The following CSMD1 variants were observed in gnomAD, a reference collection of about 807,000 sequenced individuals.
The protein encoded by CSMD1 is CUB and Sushi multiple domains 1.
Under a neutral mutation model 417.5 loss-of-function variants are expected in CSMD1, and 213 were observed. The ratio of observed to expected loss-of-function variants is 0.51; its 90% CI spans 0.46 to 0.57. The LOEUF is 0.57. Ranked by LOEUF, CSMD1 falls within the 20% of genes least tolerant of loss-of-function variation. CSMD1 has a pLI of 0.00. For missense variants in CSMD1, 6,923 were observed against 4,529.7 expected (o/e 1.53, Z -15.17); for synonymous variants, 2,862 against 1,736.8 (o/e 1.65, Z -16.11).
rs188312196 is a variant in CSMD1 at position 4,215,613 on chromosome 8, T to G, written c.416-183514A>C. Among the ~76,000 whole-genome samples the G allele has an allele frequency of 5.9e-5, 9 of 152,288 alleles. No individual in the cohort carries two copies. The East Asian group carries it at 1.7e-3, about 29-fold the overall frequency. ...ATACATGAAATATGCAAAAACATGT[T>G]TACTTTGAACATAAATTTGGATCAT... On this transcript the variant is annotated intron_variant, in intron 3 of 69. Transcript: ENST00000635120.
chr8:4,972,200 T>C (rs1308804657), intron 1 of CSMD1, among the ~76,000 whole-genome samples: 1 of 152,130 alleles, frequency 6.6e-6, no homozygotes, highest in African/African-American at 2.4e-5. Flanking sequence ...TCAGGCTTAG[T>C]ACACAAAGAT....
intron 3 of CSMD1, among the ~76,000 whole-genome samples, chr8:4,088,781 C>T (rs1800560829): frequency 6.6e-6 from 1 of 152,100 alleles, no homozygotes; most frequent in Admixed American, 6.5e-5. Context: ...CAGCTCCCAC[C>T]CTCCCAGACC....
Position 3,070,816 on chromosome 8 carries a change from G to T in CSMD1, c.7474+16281C>A, listed in dbSNP as rs150017061. Among the ~76,000 whole-genome samples, 1,036 of 152,248 alleles carry T rather than the reference G, an allele frequency of 6.8e-3. 11 individuals are homozygous for T. The highest frequency in any genetic ancestry group is 0.023 in the African/African-American group (969 of 41,538). The stretch of plus-strand genomic sequence containing the variant: ...TTCAACATTTCCAGGTATCTTTATA[G>T]CAATGTCCCACTCCTTGGTACCAAT... On this transcript the variant is annotated intron_variant, in intron 49 of 69. Transcript: ENST00000635120.
intron 5 of CSMD1, among the ~76,000 whole-genome samples, chr8:3,982,629 G>A (rs967860484): frequency 6.7e-6 from 1 of 149,326 alleles, no homozygotes; most frequent in African/African-American, 2.5e-5. Context: ...AAAAAAAAAA[G>A]CCATTAAATT....
chr8:4,337,700 A>G (rs1436230736), intron 3 of CSMD1, among the ~76,000 whole-genome samples: 1 of 152,138 alleles, frequency 6.6e-6, no homozygotes, highest in Admixed American at 6.6e-5. Flanking sequence ...GCCAACTTTT[A>G]AAAGAGTACA....
At chr8:4,577,439 C>A (rs867531457) in intron 2 of CSMD1, among the ~76,000 whole-genome samples, 4 of 152,300 alleles carry the variant, frequency 2.6e-5, no homozygotes, top group Non-Finnish European at 4.4e-5. Flanking sequence ...TCTCAGGAAC[C>A]CAACAGGCTC....
rs550772338 is a variant in CSMD1, at chr8:4,203,246, T to C, written c.416-171147A>G. On this transcript the variant is annotated intron_variant, in intron 3 of 69. Transcript: ENST00000635120. ...AAAGAAGGCCACAAGCTCAGGAATG[T>C]TGGCAGCCTGCAGAAGACTGCCCTG... Among the ~76,000 whole-genome samples, 11 of 152,246 alleles carry C rather than the reference T, an allele frequency of 7.2e-5. No homozygotes were observed. In the South Asian group the frequency reaches 1.9e-3, roughly 26 times the overall value.
chr8:4,032,169 A>ACCTTCTG, intron 3 of CSMD1, 70 bp from the exon 4 acceptor site: 1 of 1,084,648 alleles, frequency 9.2e-7, no homozygotes. Context: ...TATAAGATAA[A>ACCTTCTG]ACAGACACCA....
At chr8:3,281,779 G>T (rs1039263299) in intron 26 of CSMD1, among the ~76,000 whole-genome samples, 1 of 152,266 alleles carries the variant, frequency 6.6e-6, no homozygotes. Context: ...CATTGATATG[G>T]TTTGGATCTG....
At chr8:3,455,336 G>A (rs184684654) in intron 12 of CSMD1, among the ~76,000 whole-genome samples, 3 of 152,248 alleles carry the variant, frequency 2.0e-5, no homozygotes, top group Non-Finnish European at 4.4e-5. Context: ...TCTGTCCAAC[G>A]TTGCTCCATT....
At chr8:4,576,129 CT>C (rs1799125117) in intron 2 of CSMD1, among the ~76,000 whole-genome samples, 1 of 152,258 alleles carries the variant, frequency 6.6e-6, no homozygotes, top group Admixed American at 6.5e-5. Flanking sequence ...GCCTATCCCT[CT>C]TAGAATAATT....
intron 1 of CSMD1, among the ~76,000 whole-genome samples, chr8:4,771,057 T>C (rs937170469): frequency 6.6e-6 from 1 of 152,052 alleles, no homozygotes; most frequent in Non-Finnish European, 1.5e-5. Flanking sequence ...AAACCATATA[T>C]CAGATAAGGA....
intron 5 of CSMD1, among the ~76,000 whole-genome samples, chr8:3,946,873 G>A (rs562777073): frequency 1.3e-5 from 2 of 152,052 alleles, no homozygotes; most frequent in Non-Finnish European, 2.9e-5. Context: ...CTCATTGCTT[G>A]TATCGATTTA....
At chr8:3,062,996 G>A (rs568917066) in intron 49 of CSMD1, among the ~76,000 whole-genome samples, 1 of 152,096 alleles carries the variant, frequency 6.6e-6, no homozygotes, top group Non-Finnish European at 1.5e-5. Flanking sequence ...CTGGAGGAAC[G>A]TAAAGTGACA....
chr8:3,629,789 G>A (rs1796687001), intron 7 of CSMD1, among the ~76,000 whole-genome samples: 1 of 152,316 alleles, frequency 6.6e-6, no homozygotes, highest in Non-Finnish European at 1.5e-5. Context: ...TACTTGCACA[G>A]TATAAGGAAA....
intron 21 of CSMD1, among the ~76,000 whole-genome samples, chr8:3,351,841 T>G (rs902340252): frequency 6.6e-6 from 1 of 151,308 alleles, no homozygotes; most frequent in African/African-American, 2.4e-5. Context: ...TTAGTACCTA[T>G]ATTTTTCAAA....
chr8:3,838,187 C>T (rs2129091734), intron 5 of CSMD1, among the ~76,000 whole-genome samples: 1 of 152,150 alleles, frequency 6.6e-6, no homozygotes, highest in Non-Finnish European at 1.5e-5. Context: ...GACACAGACC[C>T]TGCCTTCCTA....
At chr8:4,750,813 G>T (rs1007972562) in intron 1 of CSMD1, among the ~76,000 whole-genome samples, 4 of 151,658 alleles carry the variant, frequency 2.6e-5, no homozygotes, top group African/African-American at 9.7e-5. Flanking sequence ...TTTTATGCTT[G>T]TTTCAGTATC....
intron 7 of CSMD1, among the ~76,000 whole-genome samples, chr8:3,705,410 C>A (rs974163985): frequency 6.6e-6 from 1 of 152,176 alleles, no homozygotes; most frequent in Non-Finnish European, 1.5e-5. Flanking sequence ...AGTGTCCACC[C>A]CTGTCTGGCT....
Sources: allele counts gnomAD v4.1 joint callset (sites outside exome capture counted in the v4.1 genomes callset), GRCh38; gene constraint gnomAD v4.1.1; transcripts MANE v1.5; gene names NCBI Gene and HGNC (gene_info 2026-07-23, HGNC 2026-07-21).